The following FRYL variants were observed in gnomAD, a reference collection of about 807,000 sequenced individuals.
FRYL encodes protein furry homolog-like.
In FRYL, 150 loss-of-function variants were observed where a neutral mutation model predicts 351.2. That is an observed-to-expected ratio of 0.43 (90% CI 0.37 to 0.49). The LOEUF is 0.49. Among genes scored for constraint, FRYL ranks in the 20% least tolerant of loss-of-function variants. The pLI, the probability that FRYL is intolerant of heterozygous loss-of-function variation, is 0.00. For missense variants in FRYL, 3,036 were observed against 3,619.3 expected (o/e 0.84, Z 4.13); for synonymous variants, 1,153 against 1,257.1 (o/e 0.92, Z 1.75).
chr4:48,761,007 CTGTGTGTGTGTGTGTGTGTG>C (rs57872533), intron 1 of FRYL, among the ~76,000 whole-genome samples: 1 of 134,510 alleles, frequency 7.4e-6, no homozygotes, highest in South Asian at 2.6e-4. Context: ...ATTACTCTGT[CTGTGTGTGTGTGTGTGTGTG>C]TGTGTGTGTG....
At chr4:48,580,068 C>CGT (rs1740548531) in intron 22 of FRYL, among the ~76,000 whole-genome samples, 1 of 151,410 alleles carries the variant, frequency 6.6e-6, no homozygotes, top group African/African-American at 2.4e-5. Flanking sequence ...AGCATCATGG[C>CGT]GGGGGGGAAT....
At chr4:48,605,655 T>C (rs763821208) in intron 11 of FRYL, 86 bp downstream of exon 11, 6 of 895,054 alleles carry the variant, frequency 6.7e-6, no homozygotes, top group African/African-American at 5.1e-5. Context: ...GTCATGTAAG[T>C]ATTTTTAGGA....
chr4:48,724,771 C>T (rs1769895251), intron 1 of FRYL, among the ~76,000 whole-genome samples: 7 of 152,180 alleles, frequency 4.6e-5, no homozygotes, highest in Admixed American at 3.9e-4. Context: ...AAATTTCCAT[C>T]GTGCTGCCTT....
chr4:48,520,204 A>G (rs1244886964), intron 55 of FRYL, among the ~76,000 whole-genome samples: 1 of 152,224 alleles, frequency 6.6e-6, no homozygotes, highest in Admixed American at 6.5e-5. Flanking sequence ...CCTTAGCCAT[A>G]TGAGTATGAG....
chr4:48,745,428 A>G (rs1772558359), intron 1 of FRYL, among the ~76,000 whole-genome samples: 1 of 152,206 alleles, frequency 6.6e-6, no homozygotes, highest in African/African-American at 2.4e-5. Flanking sequence ...CAGCCATAAA[A>G]AAGGATGAGT....
At chr4:48,645,124 T>TTATATATATA (rs36223183) in intron 3 of FRYL, among the ~76,000 whole-genome samples, 1,660 of 105,232 alleles carry the variant, frequency 0.016, 102 homozygotes, top group Non-Finnish European at 0.021. Context: ...AGCTTTCATT[T>TTATATATATA]TATATATATA....
chr4:48,709,906 T>C (rs1167547941), intron 2 of FRYL, among the ~76,000 whole-genome samples: 1 of 152,238 alleles, frequency 6.6e-6, no homozygotes, highest in Admixed American at 6.5e-5. Context: ...ACAGTAGGCA[T>C]TGGTCGACTG....
chr4:48,702,162 A>T (rs991122939), intron 2 of FRYL, among the ~76,000 whole-genome samples: 2 of 152,132 alleles, frequency 1.3e-5, no homozygotes, highest in Non-Finnish European at 2.9e-5. Flanking sequence ...TCAGTTTTAA[A>T]AATAAAAAAT....
intron 48 of FRYL, among the ~76,000 whole-genome samples, chr4:48,535,176 T>C (rs1486583118): frequency 6.6e-6 from 1 of 152,146 alleles, no homozygotes; most frequent in Non-Finnish European, 1.5e-5. Flanking sequence ...TAAAAACTTT[T>C]CCAGAAGAAA....
intron 1 of FRYL, among the ~76,000 whole-genome samples, chr4:48,732,143 G>A (rs1770791370): frequency 6.6e-6 from 1 of 152,210 alleles, no homozygotes; most frequent in South Asian, 2.1e-4. Context: ...CTCAAAAGAT[G>A]ACACTTACGC....
chr4:48,662,939 T>C (rs1401685421), intron 3 of FRYL, among the ~76,000 whole-genome samples: 1 of 152,124 alleles, frequency 6.6e-6, no homozygotes, highest in East Asian at 1.9e-4. Context: ...TAAAAGACTT[T>C]GTCACCAACA....
chr4:48,541,728 C>T (rs1730202061), intron 45 of FRYL, among the ~76,000 whole-genome samples: 2 of 152,110 alleles, frequency 1.3e-5, no homozygotes, highest in African/African-American at 4.8e-5. Context: ...GTGGGAGAGC[C>T]TTAAGGCTCC....
chr4:48,510,428 C>CT (rs1186904630), intron 58 of FRYL, among the ~76,000 whole-genome samples: 3 of 152,122 alleles, frequency 2.0e-5, no homozygotes, highest in Non-Finnish European at 4.4e-5. Flanking sequence ...AACCTTGAAG[C>CT]TTTTTAAACC....
chr4:48,742,999 A>T (rs1358588019), intron 1 of FRYL, among the ~76,000 whole-genome samples: 13 of 34,368 alleles, frequency 3.8e-4, no homozygotes, highest in Admixed American at 1.1e-3. Flanking sequence ...TTTTTTTTTT[A>T]CTAGAGACAG....
At chr4:48,622,119 A>G (rs1750767712) in intron 5 of FRYL, among the ~76,000 whole-genome samples, 2 of 152,202 alleles carry the variant, frequency 1.3e-5, no homozygotes, top group African/African-American at 4.8e-5. Context: ...AAAAAAATCA[A>G]GCTATGAGGC....
chr4:48,580,973 T>G, intron 21 of FRYL, 22 bp from the exon 22 acceptor site: 1 of 1,507,912 alleles, frequency 6.6e-7, no homozygotes, highest in Non-Finnish European at 9.0e-7. Context: ...ACATCATATG[T>G]CTAAAAAAAT....
At chr4:48,529,831 C>A (rs1288136618) in intron 50 of FRYL, among the ~76,000 whole-genome samples, 3 of 152,122 alleles carry the variant, frequency 2.0e-5, no homozygotes, top group African/African-American at 7.2e-5. Flanking sequence ...TCGGGACTCT[C>A]AGCAAGGATG....
chr4:48,531,392 G>T, intron 49 of FRYL, 39 bp from the exon 50 acceptor site: 2 of 1,314,494 alleles, frequency 1.5e-6, no homozygotes, highest in Non-Finnish European at 2.2e-6. Context: ...AGTTACAAAT[G>T]CACATTCAAC....
At chr4:48,630,948 CCTAAAAGG>C (rs1428449428) in intron 4 of FRYL, among the ~76,000 whole-genome samples, 3 of 151,904 alleles carry the variant, frequency 2.0e-5, no homozygotes, top group Non-Finnish European at 4.4e-5. Context: ...ATGATTATTA[CCTAAAAGG>C]GTACAGAATA....
Sources: gnomAD v4.1 joint callset for allele counts (sites outside exome capture counted in the v4.1 genomes callset) on GRCh38, gnomAD v4.1.1 for gene constraint, MANE v1.5 for transcripts, NCBI Gene and HGNC (gene_info 2026-07-23, HGNC 2026-07-21) for gene names.